The following PPFIBP1 variants were observed in gnomAD, a reference collection of about 807,000 sequenced individuals.
PPFIBP1 encodes the protein liprin-beta-1.
Under a neutral mutation model 137.8 loss-of-function variants are expected in PPFIBP1, and 112 were observed. That is an observed-to-expected ratio of 0.81 (90% CI 0.70 to 0.95). The LOEUF (loss-of-function observed/expected upper bound fraction) is 0.95, where lower values mean the gene tolerates loss of function less well. Ranked by LOEUF, PPFIBP1 falls within the 40% of genes least tolerant of loss-of-function variation. The probability of loss-of-function intolerance (pLI) is 0.00; values close to 1 mark genes in which losing one functional copy is unlikely to be tolerated. For missense variants in PPFIBP1, 1,083 were observed against 1,196.6 expected (o/e 0.91, Z 1.40); for synonymous variants, 378 against 417.3 (o/e 0.91, Z 1.15).
At chr12:27,661,016 A>T (rs2059511376) in intron 11 of PPFIBP1, 71 bp downstream of exon 11, 1 of 1,583,002 alleles carries the variant, frequency 6.3e-7, no homozygotes, top group East Asian at 2.3e-5. Context: ...ATGCAATTTC[A>T]TGAGCTATGC....
chr12:27,565,551 A>C (rs948423920), intron 1 of PPFIBP1, among the ~76,000 whole-genome samples: 2 of 151,860 alleles, frequency 1.3e-5, no homozygotes, highest in African/African-American at 4.8e-5. Flanking sequence ...TTCCTGTCTC[A>C]CATGTCCAGT....
At chr12:27,571,919 T>C (rs564705078) in intron 1 of PPFIBP1, among the ~76,000 whole-genome samples, 1 of 152,272 alleles carries the variant, frequency 6.6e-6, no homozygotes, top group African/African-American at 2.4e-5. Context: ...CGCAGTCATT[T>C]CTCTCACATT....
intron 13 of PPFIBP1, among the ~76,000 whole-genome samples, chr12:27,670,025 T>C (rs1322895891): frequency 6.6e-6 from 1 of 152,116 alleles, no homozygotes; most frequent in Non-Finnish European, 1.5e-5. Context: ...TGTAGAAGGG[T>C]GTTCACTGGT....
At chr12:27,628,421 C>G (rs2057010578) in intron 2 of PPFIBP1, among the ~76,000 whole-genome samples, 1 of 152,194 alleles carries the variant, frequency 6.6e-6, no homozygotes, top group African/African-American at 2.4e-5. Flanking sequence ...TCTAGCGACC[C>G]TCCTGCCTTG....
rs368369925 is a variant in PPFIBP1, at chr12:27,690,404, CTT to C, written c.2685+1204_2685+1205del. 5.7e-4 allele frequency among the ~76,000 whole-genome samples: 87 copies of C among 152,310 alleles called. 1 individual carries two copies. The East Asian group carries it at 0.013, about 23-fold the overall frequency. On this transcript the variant is annotated intron_variant, in intron 27 of 29. Coordinates refer to ENST00000228425, the MANE Select transcript of PPFIBP1 (RefSeq NM_003622.4). ...ATAGCTCAGTCAGTAGAGCATCAGACTTTTAATCTGAGGGTCCAAGGTTCATG... is the reference window on the plus strand; with the variant it reads ...ATAGCTCAGTCAGTAGAGCATCAGACTTAATCTGAGGGTCCAAGGTTCATG...
intron 11 of PPFIBP1, among the ~76,000 whole-genome samples, chr12:27,662,604 A>G (rs1211910239): frequency 6.6e-6 from 1 of 152,168 alleles, no homozygotes; most frequent in Admixed American, 6.5e-5. Context: ...AAACGAGAGA[A>G]AATTTCTGGT....
chr12:27,563,686 T>G (rs2049377949), intron 1 of PPFIBP1, among the ~76,000 whole-genome samples: 1 of 152,118 alleles, frequency 6.6e-6, no homozygotes, highest in African/African-American at 2.4e-5. Context: ...TCGCCCATCA[T>G]GGATCCTGGT....
intron 2 of PPFIBP1, among the ~76,000 whole-genome samples, chr12:27,627,798 A>G (rs2056946369): frequency 6.6e-6 from 1 of 150,914 alleles, no homozygotes; most frequent in Non-Finnish European, 1.5e-5. Flanking sequence ...TACCCTGAAC[A>G]TATTTCTGTT....
intron 2 of PPFIBP1, among the ~76,000 whole-genome samples, chr12:27,619,040 G>GA (rs1180503975): frequency 6.6e-6 from 1 of 152,056 alleles, no homozygotes; most frequent in Non-Finnish European, 1.5e-5. Flanking sequence ...TGGGTGTGGG[G>GA]AGAGACAAGT....
intron 2 of PPFIBP1, among the ~76,000 whole-genome samples, chr12:27,596,071 T>TACACACACACAC (rs376577510): frequency 3.2e-3 from 413 of 130,756 alleles, no homozygotes; most frequent in African/African-American, 6.8e-3. Flanking sequence ...TGGGTATAAA[T>TACACACACACAC]ACACACACAC....
At chr12:27,676,628 A>G (rs184430169) in intron 18 of PPFIBP1, 29 bp downstream of exon 18, 22 of 1,503,996 alleles carry the variant, frequency 1.5e-5, no homozygotes, top group African/African-American at 7.0e-5. Flanking sequence ...CCTTTGCCCT[A>G]ATTCTTCCAC....
chr12:27,543,909 C>T (rs1945942715), intron 1 of PPFIBP1, among the ~76,000 whole-genome samples: 1 of 109,134 alleles, frequency 9.2e-6, no homozygotes, highest in Non-Finnish European at 1.7e-5. Flanking sequence ...AAGACAAGGT[C>T]TCACTCTGTT....
chr12:27,541,534 C>T (rs192324353), intron 1 of PPFIBP1, among the ~76,000 whole-genome samples: 129 of 152,262 alleles, frequency 8.5e-4, no homozygotes, highest in African/African-American at 2.9e-3. Flanking sequence ...CCATCCAGTT[C>T]TCACCCCTTA....
At chr12:27,557,238 AT>A (rs4035629) in intron 1 of PPFIBP1, among the ~76,000 whole-genome samples, 13 of 142,070 alleles carry the variant, frequency 9.2e-5, no homozygotes, top group East Asian at 2.1e-4. Context: ...CATGGTAACA[AT>A]TTTTTTTTTT....
intron 7 of PPFIBP1, among the ~76,000 whole-genome samples, chr12:27,653,734 A>G (rs1289312889): frequency 6.6e-6 from 1 of 152,044 alleles, no homozygotes; most frequent in Non-Finnish European, 1.5e-5. Flanking sequence ...ATTGCTTAAC[A>G]CTCTAATTTC....
chr12:27,589,435 G>A (rs140049688), intron 2 of PPFIBP1, among the ~76,000 whole-genome samples: 558 of 152,266 alleles, frequency 3.7e-3, no homozygotes, highest in African/African-American at 0.013. Context: ...ATGAGCCACG[G>A]CACCTGGCCC....
intron 2 of PPFIBP1, among the ~76,000 whole-genome samples, chr12:27,584,632 A>G (rs3891668): frequency 6.6e-6 from 1 of 152,208 alleles, no homozygotes; most frequent in Non-Finnish European, 1.5e-5. Flanking sequence ...CATGTAGAAA[A>G]CCAATAATTT....
At chr12:27,549,453 T>C (rs1946545754) in intron 1 of PPFIBP1, 1 of 152,146 alleles carries the variant, frequency 6.6e-6, no homozygotes, top group Admixed American at 6.5e-5. Context: ...CTTTTCATTG[T>C]GACTCACGTC....
At chr12:27,637,176 G>A (rs543878688) in intron 4 of PPFIBP1, 1 of 152,250 alleles carries the variant, frequency 6.6e-6, no homozygotes, top group South Asian at 2.1e-4. Flanking sequence ...TTTCCAATTG[G>A]AATGTAAGCA....
Sources: gnomAD v4.1 joint callset for allele counts (sites outside exome capture counted in the v4.1 genomes callset) on GRCh38, gnomAD v4.1.1 for gene constraint, MANE v1.5 for transcripts, NCBI Gene and HGNC (gene_info 2026-07-23, HGNC 2026-07-21) for gene names.